Variants in EPHA5 observed in about 807,000 individuals in gnomAD.
EPHA5 encodes the protein EPH receptor A5, also known as ephrin type-A receptor 5.
A neutral mutation model predicts 105.0 loss-of-function variants in EPHA5; 60 were observed. That is an observed-to-expected ratio of 0.57 (90% CI 0.46 to 0.71). The LOEUF is 0.71. EPHA5 is among the 30% of genes least tolerant of loss of function. The probability of loss-of-function intolerance (pLI) is 0.00; values close to 1 mark genes in which losing one functional copy is unlikely to be tolerated. For missense variants in EPHA5, 1,218 were observed against 1,274.7 expected (o/e 0.96, Z 0.68); for synonymous variants, 513 against 449.1 (o/e 1.14, Z -1.80).
In EPHA5 at chr4:65,537,666, G is replaced by T. The variant is rs192960216; in HGVS notation, c.911-42123C>A. Among the ~76,000 whole-genome samples the T allele has an allele frequency of 2.0e-4, 30 of 151,810 alleles. No individual in the cohort carries two copies. The East Asian group carries it at 5.8e-3, about 29-fold the overall frequency. On this transcript the variant is annotated intron_variant, in intron 3 of 16. Transcript: ENST00000613740. ...GGTTCAACTTGCAAGAGACAATTCT[G>T]CATTTTTCTTATATAGAAGGATTGA...
At chr4:65,475,906 T>A (rs1199573575) in intron 5 of EPHA5, among the ~76,000 whole-genome samples, 1 of 152,142 alleles carries the variant, frequency 6.6e-6, no homozygotes, top group Non-Finnish European at 1.5e-5. Context: ...ATTAACAAAA[T>A]CATTGCTGGT....
chr4:65,349,061 C>T (rs1722571474), intron 13 of EPHA5, among the ~76,000 whole-genome samples: 1 of 151,552 alleles, frequency 6.6e-6, no homozygotes, highest in African/African-American at 2.4e-5. Context: ...AGTGATTCAC[C>T]CACCTTAGCC....
intron 5 of EPHA5, among the ~76,000 whole-genome samples, chr4:65,431,903 G>C (rs1253691245): frequency 6.6e-6 from 1 of 151,790 alleles, no homozygotes; most frequent in Non-Finnish European, 1.5e-5. Context: ...TAAAAAAAAA[G>C]ATCCAATCCA....
At chr4:65,653,264 T>C (rs1748769308) in intron 1 of EPHA5, among the ~76,000 whole-genome samples, 1 of 152,072 alleles carries the variant, frequency 6.6e-6, no homozygotes, top group African/African-American at 2.4e-5. Context: ...CTAGTACTCC[T>C]GATGTAAAAG....
intron 8 of EPHA5, among the ~76,000 whole-genome samples, chr4:65,374,437 T>C (rs1248921178): frequency 6.6e-6 from 1 of 151,936 alleles, no homozygotes; most frequent in East Asian, 1.9e-4. Flanking sequence ...ATCTTATAAA[T>C]GGCACACCAT....
chr4:65,581,599 G>T (rs1741631357), intron 3 of EPHA5, among the ~76,000 whole-genome samples: 1 of 151,636 alleles, frequency 6.6e-6, no homozygotes, highest in African/African-American at 2.4e-5. Flanking sequence ...AGATTATGTT[G>T]ACTAAAGGTA....
rs1029003266 is a variant in EPHA5 at position 65,588,294 on chromosome 4, A to T, written c.910+13347T>A. ...TCTGATATTCAGAATCTTAGATCTT[A>T]TTTCTTGGGATCTCTATTATTTCTA... On this transcript the variant is annotated intron_variant, in intron 3 of 16. Coordinates refer to ENST00000613740, the MANE Select transcript of EPHA5 (RefSeq NM_001281766.3). Among the ~76,000 whole-genome samples, 6 of 152,162 alleles carry T rather than the reference A, an allele frequency of 3.9e-5. No homozygotes were observed. In the East Asian group the frequency reaches 9.7e-4, roughly 25 times the overall value.
chr4:65,448,097 A>C (rs1726727999), intron 5 of EPHA5, among the ~76,000 whole-genome samples: 1 of 148,414 alleles, frequency 6.7e-6, no homozygotes, highest in African/African-American at 2.4e-5. Context: ...AAAAATCATA[A>C]AGACAATAAA....
chr4:65,608,611 G>A (rs1291098709), intron 2 of EPHA5, among the ~76,000 whole-genome samples: 1 of 152,088 alleles, frequency 6.6e-6, no homozygotes, highest in South Asian at 2.1e-4. Flanking sequence ...ACAATAAAGA[G>A]TCAAATAAAA....
chr4:65,405,869 T>C (rs1722307256), intron 7 of EPHA5, among the ~76,000 whole-genome samples: 2 of 152,046 alleles, frequency 1.3e-5, no homozygotes, highest in Admixed American at 1.3e-4. Context: ...TAAACTCATA[T>C]TATTTCTACC....
At chr4:65,647,899 G>C (rs1391608534) in intron 1 of EPHA5, among the ~76,000 whole-genome samples, 5 of 152,038 alleles carry the variant, frequency 3.3e-5, no homozygotes, top group African/African-American at 4.8e-5. Context: ...TTAACGTATA[G>C]GGAAAAATAC....
intron 5 of EPHA5, among the ~76,000 whole-genome samples, chr4:65,421,907 T>C (rs60401017): frequency 0.16 from 24,379 of 152,076 alleles, 2,003 homozygotes; most frequent in Admixed American, 0.2. Context: ...GTCTCATAGG[T>C]GCACATACTA....
intron 8 of EPHA5, among the ~76,000 whole-genome samples, chr4:65,383,988 G>A (rs923649904): frequency 2.6e-5 from 4 of 151,878 alleles, no homozygotes; most frequent in South Asian, 2.1e-4. Context: ...GCATGTGTAT[G>A]ATGTGCATGT....
At chr4:65,611,764 C>T (rs1744779707) in intron 2 of EPHA5, among the ~76,000 whole-genome samples, 2 of 147,102 alleles carry the variant, frequency 1.4e-5, no homozygotes, top group Admixed American at 6.7e-5. Flanking sequence ...CTATTCAACA[C>T]AAATTTCCAT....
intron 14 of EPHA5, among the ~76,000 whole-genome samples, chr4:65,340,693 A>G (rs1721628026): frequency 6.6e-6 from 1 of 152,156 alleles, no homozygotes; most frequent in African/African-American, 2.4e-5. Context: ...CTTAGGAGGA[A>G]GTGCCCACAG....
At chr4:65,466,576 C>G (rs1440680837) in intron 5 of EPHA5, among the ~76,000 whole-genome samples, 1 of 152,096 alleles carries the variant, frequency 6.6e-6, no homozygotes, top group Admixed American at 6.5e-5. Context: ...AGGACATTCA[C>G]CAGGGGACTG....
intron 1 of EPHA5, among the ~76,000 whole-genome samples, chr4:65,658,871 C>T (rs192103370): frequency 2.6e-5 from 4 of 152,156 alleles, no homozygotes; most frequent in East Asian, 1.9e-4. Context: ...CTCGTTTCAG[C>T]TCCCTAATTT....
chr4:65,642,288 A>G (rs1747735526), intron 2 of EPHA5, among the ~76,000 whole-genome samples: 1 of 152,104 alleles, frequency 6.6e-6, no homozygotes, highest in African/African-American at 2.4e-5. Flanking sequence ...ATTTATCTGT[A>G]TGGAGCGATG....
At chr4:65,507,271 C>A (rs1733133684) in intron 3 of EPHA5, among the ~76,000 whole-genome samples, 1 of 152,062 alleles carries the variant, frequency 6.6e-6, no homozygotes, top group Non-Finnish European at 1.5e-5. Flanking sequence ...TTACTGTAGC[C>A]TTGTAGTATA....
Sources: gnomAD v4.1 joint callset for allele counts (sites outside exome capture counted in the v4.1 genomes callset) on GRCh38, gnomAD v4.1.1 for gene constraint, MANE v1.5 for transcripts, NCBI Gene and HGNC (gene_info 2026-07-23, HGNC 2026-07-21) for gene names.